The following MAGI3 variants were observed in gnomAD, a reference collection of about 807,000 sequenced individuals.
The protein encoded by MAGI3 is membrane-associated guanylate kinase, WW and PDZ domain-containing protein 3.
Under a neutral mutation model 121.8 loss-of-function variants are expected in MAGI3, and 43 were observed. The observed-to-expected ratio is 0.35, with a 90% CI of 0.28 to 0.46. The LOEUF (loss-of-function observed/expected upper bound fraction) is 0.46, where lower values mean the gene tolerates loss of function less well. Among genes scored for constraint, MAGI3 ranks in the 20% least tolerant of loss-of-function variants. The pLI, the probability that MAGI3 is intolerant of heterozygous loss-of-function variation, is 1.00. For missense variants in MAGI3, 1,547 were observed against 1,797.3 expected (o/e 0.86, Z 2.52); for synonymous variants, 553 against 639.3 (o/e 0.86, Z 2.04).
intron 1 of MAGI3, among the ~76,000 whole-genome samples, chr1:113,521,966 A>G (rs978468577): frequency 1.3e-5 from 2 of 152,120 alleles, no homozygotes; most frequent in African/African-American, 2.4e-5. Context: ...TCTTCTAATC[A>G]TGTATCAGAG....
intron 1 of MAGI3, chr1:113,450,698 G>T: frequency 8.9e-7 from 1 of 1,121,108 alleles, no homozygotes; most frequent in Non-Finnish European, 1.4e-6. Flanking sequence ...TGGATCTGGT[G>T]GTGGAAGTGG....
At chr1:113,679,934 A>G (rs1648115021) in intron 19 of MAGI3, among the ~76,000 whole-genome samples, 1 of 151,982 alleles carries the variant, frequency 6.6e-6, no homozygotes, top group Admixed American at 6.6e-5. Flanking sequence ...CGAACTCCCG[A>G]CCTCAGGTGA....
At chr1:113,660,459 T>A (rs553870667) in intron 16 of MAGI3, among the ~76,000 whole-genome samples, 3 of 152,196 alleles carry the variant, frequency 2.0e-5, no homozygotes, top group Admixed American at 2.0e-4. Context: ...CACTGGCCTC[T>A]ATGTACATGG....
rs542244155 is a variant in MAGI3 at position 113,672,000 on chromosome 1, C to T, written c.2918+164C>T. 1.2e-3 allele frequency among the ~76,000 whole-genome samples: 182 copies of T among 152,362 alleles called. 2 individuals carry two copies. Among genetic ancestry groups the T allele is most frequent in the African/African-American group, 4.3e-3 (177 of 41,586 alleles). ...TTGCCTGTTCCTCAAATACCGTCCC[C>T]ATCACCTCCACCCATTCAGTACCTT... On this transcript the variant is annotated intron_variant, in intron 17 of 20. Transcript: ENST00000307546.
chr1:113,437,104 G>A (rs1029281473), intron 1 of MAGI3, among the ~76,000 whole-genome samples: 4 of 151,938 alleles, frequency 2.6e-5, no homozygotes, highest in Admixed American at 2.0e-4. Flanking sequence ...ATGAGCCACC[G>A]CACCCGGCCT....
At chr1:113,669,517 G>A (rs112042243) in intron 16 of MAGI3, among the ~76,000 whole-genome samples, 20 of 152,096 alleles carry the variant, frequency 1.3e-4, no homozygotes, top group Non-Finnish European at 1.2e-4. Context: ...GCAAGAAAAC[G>A]TCACCATAGG....
chr1:113,604,565 C>CAAA (rs59047770), intron 6 of MAGI3, among the ~76,000 whole-genome samples: 39 of 62,008 alleles, frequency 6.3e-4, no homozygotes, highest in East Asian at 1.8e-3. Flanking sequence ...GTCTCCATCT[C>CAAA]AAAAAAAAAA....
intron 20 of MAGI3, chr1:113,682,548 A>G (rs573811242): frequency 1.1e-5 from 14 of 1,228,462 alleles, no homozygotes; most frequent in South Asian, 3.0e-5. Flanking sequence ...CATAATAATT[A>G]GTGAGCTTCT....
intron 1 of MAGI3, among the ~76,000 whole-genome samples, chr1:113,492,696 A>C (rs1215027487): frequency 6.6e-6 from 1 of 152,198 alleles, no homozygotes; most frequent in Non-Finnish European, 1.5e-5. Flanking sequence ...AAATTCAGCA[A>C]GGTCTCAGGA....
intron 1 of MAGI3, among the ~76,000 whole-genome samples, chr1:113,414,893 G>A (rs1448667831): frequency 6.6e-6 from 1 of 152,012 alleles, no homozygotes; most frequent in Non-Finnish European, 1.5e-5. Context: ...ATGCTTATGT[G>A]TAAGACACTG....
chr1:113,647,733 C>T (rs1187911615), intron 12 of MAGI3, among the ~76,000 whole-genome samples: 1 of 151,958 alleles, frequency 6.6e-6, no homozygotes, highest in Non-Finnish European at 1.5e-5. Context: ...CTTGATAATC[C>T]CAAGCCATAT....
At chr1:113,458,399 G>A (rs1272625062) in intron 1 of MAGI3, among the ~76,000 whole-genome samples, 1 of 152,222 alleles carries the variant, frequency 6.6e-6, no homozygotes, top group Non-Finnish European at 1.5e-5. Flanking sequence ...TATGAGTTGA[G>A]AGCACTTTCT....
At chr1:113,392,060 A>G (rs1233813362) in intron 1 of MAGI3, among the ~76,000 whole-genome samples, 1 of 152,244 alleles carries the variant, frequency 6.6e-6, no homozygotes, top group Non-Finnish European at 1.5e-5. Context: ...TGGTAGGTTA[A>G]AGGAGCCTCT....
intron 1 of MAGI3, among the ~76,000 whole-genome samples, chr1:113,497,073 C>T (rs1656952420): frequency 1.3e-5 from 2 of 152,240 alleles, no homozygotes; most frequent in African/African-American, 2.4e-5. Flanking sequence ...ACCTGGGCAA[C>T]GTGGGGAGAG....
At chr1:113,661,345 A>T (rs900141597) in intron 16 of MAGI3, among the ~76,000 whole-genome samples, 4 of 152,216 alleles carry the variant, frequency 2.6e-5, no homozygotes, top group African/African-American at 9.7e-5. Flanking sequence ...TAAATGCTTG[A>T]CATATATTAA....
Position 113,534,489 on chromosome 1 carries a change from A to G in MAGI3, c.317-15026A>G, listed in dbSNP as rs180752372. 2.7e-3 allele frequency among the ~76,000 whole-genome samples: 408 copies of G among 151,838 alleles called. 1 individual carries two copies. Among genetic ancestry groups the G allele is most frequent in the African/African-American group, 8.6e-3 (354 of 41,388 alleles). On this transcript the variant is annotated intron_variant, in intron 1 of 20. Coordinates refer to ENST00000307546, the MANE Select transcript of MAGI3 (RefSeq NM_001142782.2). ...CTGGAATGCCCACTGTGCTCCCTCT[A>G]TCTATCCTCTCCATTCATTCTTCCA...
At chr1:113,582,874 A>G (rs1648124512) in intron 3 of MAGI3, among the ~76,000 whole-genome samples, 1 of 151,802 alleles carries the variant, frequency 6.6e-6, no homozygotes, top group African/African-American at 2.4e-5. Flanking sequence ...ATACTTATAT[A>G]AGTAAATTTT....
chr1:113,537,075 T>G (rs1557810309), intron 1 of MAGI3, among the ~76,000 whole-genome samples: 1 of 152,318 alleles, frequency 6.6e-6, no homozygotes, highest in Non-Finnish European at 1.5e-5. Flanking sequence ...TCAGTTTACC[T>G]TGGTACAACT....
intron 7 of MAGI3, among the ~76,000 whole-genome samples, chr1:113,616,418 T>C (rs944259106): frequency 6.6e-6 from 1 of 152,156 alleles, no homozygotes; most frequent in Non-Finnish European, 1.5e-5. Flanking sequence ...TAATCTGCAG[T>C]GAGTTTACTG....
Sources: gnomAD v4.1 joint callset for allele counts (sites outside exome capture counted in the v4.1 genomes callset) on GRCh38, gnomAD v4.1.1 for gene constraint, MANE v1.5 for transcripts, NCBI Gene and HGNC (gene_info 2026-07-23, HGNC 2026-07-21) for gene names.